SH3KBP1: variants seen among roughly 807,000 people sequenced by gnomAD.
The protein encoded by SH3KBP1 is SH3 domain-containing kinase-binding protein 1.
A neutral mutation model predicts 50.1 loss-of-function variants in SH3KBP1; 8 were observed. The ratio of observed to expected loss-of-function variants is 0.16; its 90% CI spans 0.09 to 0.29. The LOEUF is 0.29. SH3KBP1 is among the 10% of genes least tolerant of loss of function. The probability of loss-of-function intolerance (pLI) is 1.00; values close to 1 mark genes in which losing one functional copy is unlikely to be tolerated. For synonymous variants in SH3KBP1, 227 were observed against 218.6 expected, an observed-to-expected ratio of 1.04 and a Z score of -0.34; for missense variants, 377 against 535.2, an observed-to-expected ratio of 0.70 and a Z score of 2.92.
chrX:19,668,853 C>CA (rs751777350), intron 6 of SH3KBP1, among the ~76,000 whole-genome samples: 1,282 of 17,824 alleles, frequency 0.072, 243 homozygotes, highest in African/African-American at 0.21. Flanking sequence ...GACTGTGTCT[C>CA]AAAAAAAAAA....
chrX:19,581,429 A>G (rs768665127), intron 12 of SH3KBP1, among the ~76,000 whole-genome samples: 76 of 112,585 alleles, frequency 6.8e-4, no homozygotes, highest in African/African-American at 2.4e-3. Context: ...CCAAGTATTC[A>G]GTTTACCTGC....
chrX:19,619,176 C>T lies in SH3KBP1; in HGVS notation c.898-11131G>A, dbSNP rs796387589. On this transcript the variant is annotated intron_variant, in intron 8 of 17. Coordinates refer to ENST00000397821, the MANE Select transcript of SH3KBP1 (RefSeq NM_031892.3). ...CTGTAATCCCAGCTACTCGGGAGGC[C>T]GAGGCAGGAGAATTGCTTGAACCCA... is the stretch of plus-strand genomic sequence containing the variant. Among the ~76,000 whole-genome samples the T allele has an allele frequency of 2.7e-5, 3 of 110,504 alleles. No homozygotes were observed. In the South Asian group the frequency reaches 1.2e-3, roughly 42 times the overall value.
intron 2 of SH3KBP1, among the ~76,000 whole-genome samples, chrX:19,784,766 G>A (rs749462311): frequency 1.0e-4 from 11 of 110,296 alleles, no homozygotes; most frequent in Non-Finnish European, 1.7e-4. Flanking sequence ...TACCACACCT[G>A]ACTAATTTTT....
intron 2 of SH3KBP1, among the ~76,000 whole-genome samples, chrX:19,831,347 G>A (rs2067876135): frequency 2.0e-5 from 2 of 101,524 alleles, no homozygotes; most frequent in African/African-American, 3.9e-5. Context: ...AGCCTAGATC[G>A]ACACTACAGT....
chrX:19,634,036 GTGTGTGTGT>G (rs2061640530), intron 7 of SH3KBP1, among the ~76,000 whole-genome samples: 1 of 12,518 alleles, frequency 8.0e-5, no homozygotes, highest in Non-Finnish European at 1.7e-4. Context: ...TCCCTGGTGT[GTGTGTGTGT>G]GTGTGTGTGT....
At position 19,706,687 on chromosome X, in the gene SH3KBP1, A is replaced by G. The variant is rs772418497; in HGVS notation, c.390+194T>C. Among the ~76,000 whole-genome samples, 3 of 111,002 alleles carry G rather than the reference A, an allele frequency of 2.7e-5. No individual in the cohort carries two copies. The East Asian group carries it at 8.5e-4, about 32-fold the overall frequency. ...AGAGACAATGCTTTCCAATGGCCCC[A>G]GGTATGAACTCAGCTGGCTTGGGGG... On this transcript the variant is annotated intron_variant, in intron 4 of 17. Coordinates refer to ENST00000397821, the MANE Select transcript of SH3KBP1 (RefSeq NM_031892.3).
chrX:19,588,476 A>T (rs1322982867), intron 12 of SH3KBP1, 167 bp downstream of exon 12: 1 of 1,186,216 alleles, frequency 8.4e-7, no homozygotes, highest in African/African-American at 1.8e-5. Context: ...GAGCAAGGAC[A>T]GAAGTGGCCG....
intron 2 of SH3KBP1, among the ~76,000 whole-genome samples, chrX:19,749,561 A>G (rs766194206): frequency 3.5e-5 from 4 of 113,063 alleles, no homozygotes; most frequent in Non-Finnish European, 7.5e-5. Context: ...TAAAACACAC[A>G]AAGGGATAAA....
chrX:19,651,991 C>T (rs893810446), intron 6 of SH3KBP1, among the ~76,000 whole-genome samples: 1 of 111,700 alleles, frequency 9.0e-6, no homozygotes, highest in Non-Finnish European at 1.9e-5. Context: ...AATGAGAGGT[C>T]GGTGAAGTGT....
chrX:19,838,395 C>A (rs1296691494), intron 1 of SH3KBP1, among the ~76,000 whole-genome samples: 2 of 111,645 alleles, frequency 1.8e-5, no homozygotes, highest in Non-Finnish European at 1.9e-5. Flanking sequence ...TATGTCAAAG[C>A]TAATAATTCC....
intron 3 of SH3KBP1, among the ~76,000 whole-genome samples, chrX:19,718,497 C>G (rs1431672654): frequency 5.4e-5 from 6 of 111,881 alleles, no homozygotes; most frequent in Non-Finnish European, 9.4e-5. Context: ...AGGGTAGAAA[C>G]TCATTTAAAT....
chrX:19,560,750 T>C (rs2065647593), intron 13 of SH3KBP1, among the ~76,000 whole-genome samples: 1 of 110,688 alleles, frequency 9.0e-6, no homozygotes, highest in Non-Finnish European at 1.9e-5. Context: ...GTATGGGTCA[T>C]TTCATCTTCT....
At chrX:19,548,184 A>T (rs748988236) in intron 14 of SH3KBP1, among the ~76,000 whole-genome samples, 1 of 112,184 alleles carries the variant, frequency 8.9e-6, no homozygotes, top group Admixed American at 9.5e-5. Flanking sequence ...AAGATGATAT[A>T]TCCTCACCAC....
intron 2 of SH3KBP1, among the ~76,000 whole-genome samples, chrX:19,785,783 G>C (rs1408669740): frequency 9.0e-6 from 1 of 111,700 alleles, no homozygotes; most frequent in Non-Finnish European, 1.9e-5. Flanking sequence ...GCTACCACAC[G>C]GATGAACCTT....
chrX:19,738,787 G>A (rs756064613), intron 3 of SH3KBP1, among the ~76,000 whole-genome samples: 3 of 107,659 alleles, frequency 2.8e-5, no homozygotes, highest in African/African-American at 1.0e-4. Flanking sequence ...GAGGCTGGGG[G>A]ATGACTTGAG....
At chrX:19,676,003 T>C (rs2062920309) in intron 6 of SH3KBP1, among the ~76,000 whole-genome samples, 1 of 111,479 alleles carries the variant, frequency 9.0e-6, no homozygotes, top group Non-Finnish European at 1.9e-5. Context: ...AACACTTCAT[T>C]CAACCCAGGC....
At chrX:19,588,967 A>C (rs2066655917) in intron 11 of SH3KBP1, among the ~76,000 whole-genome samples, 165 bp from the exon 12 acceptor site, 1 of 111,307 alleles carries the variant, frequency 9.0e-6, no homozygotes, top group Non-Finnish European at 1.9e-5. Context: ...GGTTAGAAGA[A>C]GTCCCACAGA....
At chrX:19,760,041 C>T (rs5955842) in intron 2 of SH3KBP1, among the ~76,000 whole-genome samples, 1,020 of 50,271 alleles carry the variant, frequency 0.02, 46 homozygotes, top group African/African-American at 0.082. Context: ...TCTCTCTCTC[C>T]CTCTCTCTCT....
At chrX:19,829,691 A>G (rs2067804933) in intron 2 of SH3KBP1, among the ~76,000 whole-genome samples, 1 of 101,595 alleles carries the variant, frequency 9.8e-6, no homozygotes, top group Admixed American at 1.1e-4. Context: ...GGTCGTAGTG[A>G]GCCGAGATCT....
Sources: gnomAD v4.1 joint callset for allele counts (sites outside exome capture counted in the v4.1 genomes callset) on GRCh38, gnomAD v4.1.1 for gene constraint, MANE v1.5 for transcripts, NCBI Gene and HGNC (gene_info 2026-07-23, HGNC 2026-07-21) for gene names.